AKAP19: variants seen among roughly 807,000 people sequenced by gnomAD.
AKAP19 encodes A-kinase anchoring protein 19.
the AKAP19 span, among the ~76,000 whole-genome samples, chr2:189,934,465 T>A: frequency 6.6e-6 from 1 of 151,982 alleles, no homozygotes; most frequent in Non-Finnish European, 1.5e-5. Flanking sequence ...ACCTTAAAAT[T>A]GGAAAGAGTA....
At chr2:190,069,175 T>TGTGTGTGTGAGAGAGA in the AKAP19 span, among the ~76,000 whole-genome samples, 3 of 123,506 alleles carry the variant, frequency 2.4e-5, no homozygotes, top group African/African-American at 9.7e-5. Flanking sequence ...TGTGTGTGTG[T>TGTGTGTGTGAGAGAGA]GAGAGAGAGA....
chr2:190,026,695 A>C, the AKAP19 span, among the ~76,000 whole-genome samples: 1 of 152,228 alleles, frequency 6.6e-6, no homozygotes, highest in Non-Finnish European at 1.5e-5. Flanking sequence ...AGTCTGAGAA[A>C]CATCATTTTC....
At chr2:189,951,606 GA>G in the AKAP19 span, among the ~76,000 whole-genome samples, 2 of 152,118 alleles carry the variant, frequency 1.3e-5, no homozygotes, top group African/African-American at 4.8e-5. Context: ...TTCAAATAAG[GA>G]AGTAGAGGTA....
At chr2:190,020,795 T>A in the AKAP19 span, among the ~76,000 whole-genome samples, 1 of 152,176 alleles carries the variant, frequency 6.6e-6, no homozygotes, top group African/African-American at 2.4e-5. Context: ...CTACTTTCTA[T>A]CTTTATGAGT....
the AKAP19 span, among the ~76,000 whole-genome samples, chr2:190,075,306 T>A: frequency 6.6e-6 from 1 of 152,294 alleles, no homozygotes; most frequent in Non-Finnish European, 1.5e-5. Flanking sequence ...ATGGCCCACC[T>A]TATGTTCTAT....
chr2:189,975,295 G>A, the AKAP19 span, among the ~76,000 whole-genome samples: 3 of 152,196 alleles, frequency 2.0e-5, no homozygotes, highest in Non-Finnish European at 4.4e-5. Context: ...CTTTAAGAAT[G>A]TTGAATATTG....
At chr2:190,191,932 G>GT in the AKAP19 span, among the ~76,000 whole-genome samples, 25 of 147,684 alleles carry the variant, frequency 1.7e-4, no homozygotes, top group East Asian at 6.0e-4. Flanking sequence ...TTTTAACTGT[G>GT]TTTTTTTTTC....
the AKAP19 span, among the ~76,000 whole-genome samples, chr2:190,142,499 AGT>A: frequency 1.0e-3 from 158 of 152,298 alleles, no homozygotes; most frequent in African/African-American, 3.7e-3. Context: ...TAGCTCAGCC[AGT>A]GTTCCCACTT....
chr2:190,164,124 G>GA, the AKAP19 span: 5 of 152,280 alleles, frequency 3.3e-5, no homozygotes, highest in Admixed American at 2.6e-4. Flanking sequence ...GATTTATAGT[G>GA]AAAAAATACA....
the AKAP19 span, among the ~76,000 whole-genome samples, chr2:189,884,182 AT>A: frequency 1.3e-5 from 2 of 152,110 alleles, no homozygotes; most frequent in Non-Finnish European, 2.9e-5. Flanking sequence ...GAGCGAACAT[AT>A]TTATGGGGAA....
At chr2:189,954,896 C>T in the AKAP19 span, among the ~76,000 whole-genome samples, 1 of 152,134 alleles carries the variant, frequency 6.6e-6, no homozygotes, top group Non-Finnish European at 1.5e-5. Context: ...TATCTTTGAC[C>T]TCTAAAAAGT....
At chr2:189,924,060 G>A in the AKAP19 span, 4 of 1,537,242 alleles carry the variant, frequency 2.6e-6, no homozygotes, top group Non-Finnish European at 2.7e-6. Context: ...GAGTCTGAGG[G>A]GGGTGCAGAT....
At chr2:189,934,050 C>A in the AKAP19 span, among the ~76,000 whole-genome samples, 1 of 152,056 alleles carries the variant, frequency 6.6e-6, no homozygotes, top group Non-Finnish European at 1.5e-5. Flanking sequence ...CATCTAAACT[C>A]TTTGTAAGCC....
chr2:190,073,449 T>C, the AKAP19 span, among the ~76,000 whole-genome samples: 1 of 152,170 alleles, frequency 6.6e-6, no homozygotes, highest in Admixed American at 6.5e-5. Flanking sequence ...GAAACTTTTT[T>C]ATCAGTGTAT....
the AKAP19 span, among the ~76,000 whole-genome samples, chr2:190,051,726 C>T: frequency 1.3e-5 from 2 of 152,120 alleles, no homozygotes; most frequent in East Asian, 3.8e-4. Context: ...TTGGTAGATT[C>T]TAGACTTTGG....
chr2:189,940,557 G>C, the AKAP19 span, among the ~76,000 whole-genome samples: 2 of 152,032 alleles, frequency 1.3e-5, no homozygotes, highest in Non-Finnish European at 2.9e-5. Context: ...TTAAGAGGAA[G>C]CTGAGCAAGA....
At chr2:190,059,637 G>T in the AKAP19 span, among the ~76,000 whole-genome samples, 1 of 151,770 alleles carries the variant, frequency 6.6e-6, no homozygotes. Flanking sequence ...TCTGTTTTAT[G>T]CTAAGCCAAA....
At chr2:190,113,247 T>G in the AKAP19 span, among the ~76,000 whole-genome samples, 207 of 152,286 alleles carry the variant, frequency 1.4e-3, no homozygotes, top group African/African-American at 4.9e-3. Flanking sequence ...CCTCATGATA[T>G]TCTCCTTAAT....
At chr2:189,971,941 A>G in the AKAP19 span, among the ~76,000 whole-genome samples, 2 of 150,850 alleles carry the variant, frequency 1.3e-5, no homozygotes, top group African/African-American at 4.9e-5. Flanking sequence ...TTGCCTGTTC[A>G]CTCTGATGGT....
Sources: gnomAD v4.1 joint callset for allele counts (sites outside exome capture counted in the v4.1 genomes callset) on GRCh38, gnomAD v4.1.1 for gene constraint, MANE v1.5 for transcripts, NCBI Gene and HGNC (gene_info 2026-07-23, HGNC 2026-07-21) for gene names.